Variants in HGS observed in about 807,000 individuals in gnomAD.
HGS encodes hepatocyte growth factor-regulated tyrosine kinase substrate, also known as human growth factor-regulated tyrosine kinase substrate.
HGS carries 63 observed loss-of-function variants against 109.7 expected under a neutral mutation model. The ratio of observed to expected loss-of-function variants is 0.57; its 90% CI spans 0.47 to 0.71. HGS has a LOEUF of 0.71. Ranked by LOEUF, HGS falls within the 30% of genes least tolerant of loss-of-function variation. HGS has a pLI of 0.00. For missense variants in HGS, 995 were observed against 1,068.3 expected (o/e 0.93, Z 0.96); for synonymous variants, 546 against 437.3 (o/e 1.25, Z -3.10).
At chr17:81,684,369 G>A (rs1316031936) in intron 1 of HGS, 3 of 344,724 alleles carry the variant, frequency 8.7e-6, no homozygotes, top group East Asian at 4.4e-5. Flanking sequence ...GCTCCTCCGC[G>A]GGCCCGGGCA....
At chr17:81,701,227 C>T (rs2037232656) in intron 21 of HGS, 96 bp downstream of exon 21, 3 of 1,125,768 alleles carry the variant, frequency 2.7e-6, no homozygotes, top group Middle Eastern at 2.0e-4. Flanking sequence ...GGGATTGTCC[C>T]GTACGTCTGC....
At chr17:81,684,276 C>T (rs1434898731) in intron 1 of HGS, 173 bp downstream of exon 1, 2 of 508,702 alleles carry the variant, frequency 3.9e-6, no homozygotes, top group East Asian at 7.6e-5. Flanking sequence ...CTCGGCGCGG[C>T]CGTGGGGTCG....
chr17:81,693,790 C>T (rs763097922), intron 10 of HGS, 38 bp downstream of exon 10: 14 of 1,544,946 alleles, frequency 9.1e-6, no homozygotes, highest in Non-Finnish European at 1.1e-5. Flanking sequence ...AGGAGGGGCC[C>T]AGCTCCCCTG....
chr17:81,697,472 G>C (rs1362548059), intron 18 of HGS: 1 of 154,344 alleles, frequency 6.5e-6, no homozygotes, highest in Non-Finnish European at 1.4e-5. Flanking sequence ...AGGTTTGTCT[G>C]GTGTCTCCAC....
chr17:81,701,132 G>A lies in HGS; in HGVS notation c.2223+1G>A. The A allele has an allele frequency of 1.2e-6, 2 of 1,613,454 alleles. No individual in the cohort carries two copies. The highest frequency in any genetic ancestry group is 2.2e-5 in the South Asian group (2 of 91,074). ...GGGGCAGCAGCCCATGTACCAGCAG[G>A]TGAGCCATTCCCGGGGCCTCACAGC... On this transcript the variant is annotated splice_donor_variant, in intron 21 of 21. Transcript: ENST00000329138. LOFTEE classifies it high-confidence loss of function.
intron 20 of HGS, 78 bp from the exon 21 acceptor site, chr17:81,700,967 G>C: frequency 7.8e-6 from 12 of 1,548,014 alleles, no homozygotes; most frequent in Non-Finnish European, 1.1e-5. Context: ...GTCACCTTTG[G>C]ATTGTTGCAA....
chr17:81,686,644 G>A (rs1013026460), intron 3 of HGS, among the ~76,000 whole-genome samples: 6 of 152,262 alleles, frequency 3.9e-5, no homozygotes, highest in Admixed American at 2.6e-4. Context: ...ACCAGAAGGC[G>A]GATGTCATTG....
At chr17:81,695,298 G>A in intron 14 of HGS, 75 bp downstream of exon 14, 1 of 1,497,066 alleles carries the variant, frequency 6.7e-7, no homozygotes, top group South Asian at 1.1e-5. Context: ...CATGGCACAG[G>A]TGCCTGCCCT....
chr17:81,698,732 C>A (rs1003384496), intron 18 of HGS, among the ~76,000 whole-genome samples: 1 of 152,084 alleles, frequency 6.6e-6, no homozygotes, highest in Non-Finnish European at 1.5e-5. Context: ...GTTGTGGGTG[C>A]GTCTGTGTAT....
At chr17:81,693,003 T>G in intron 8 of HGS, 1 of 151,614 alleles carries the variant, frequency 6.6e-6, no homozygotes, top group South Asian at 2.1e-4. Flanking sequence ...AGAGCAAGAC[T>G]CTATCTCAAA....
intron 11 of HGS, among the ~76,000 whole-genome samples, chr17:81,694,500 C>T (rs2037114179): frequency 1.3e-5 from 2 of 152,216 alleles, no homozygotes; most frequent in Non-Finnish European, 2.9e-5. Context: ...TCGGCTGGGG[C>T]CCCACACGCT....
Position 81,701,609 on chromosome 17 carries a change from A to C in HGS, c.2325A>C (p.Ser775=), listed in dbSNP as rs773551631. The C allele has an allele frequency of 1.9e-6, 3 of 1,565,326 alleles. No homozygotes were observed. Among genetic ancestry groups the C allele is most frequent in the Middle Eastern group, 1.7e-4 (1 of 6,020 alleles). The change falls in exon 22 of 22, where the codon TCA becomes TCC. Residue 775 remains serine, a synonymous_variant. Transcript: ENST00000329138. ...PAQGSEAQLI[S]FD is the part of the protein sequence containing the mutation. ...AGGGCAGCGAGGCCCAGCTCATTTC[A>C]TTCGACTGACCCAGGCCATGCTCAC...
chr17:81,688,102 G>T (rs1162726254), intron 4 of HGS, among the ~76,000 whole-genome samples: 1 of 152,196 alleles, frequency 6.6e-6, no homozygotes, highest in Admixed American at 6.5e-5. Context: ...AGGTGCAAGT[G>T]CCCCGGAGCC....
Position 81,695,059 on chromosome 17 carries a change from G to A in HGS, c.1111G>A (p.Val371Met), listed in dbSNP as rs571784296. 3.1e-6 allele frequency: 5 copies of A among 1,613,092 alleles called. No individual in the cohort carries two copies. In the South Asian group the frequency reaches 4.4e-5, roughly 14 times the overall value. ...PGEGHAAPTNVVENPLPETDS... is the reference protein window; with the variant it reads ...PGEGHAAPTNMVENPLPETDS... ...GGAAGGGCACGCAGCCCCCACCAAC[G>A]TGGTGGAGGTGAGGGGGCCACTCCC... is the stretch of plus-strand genomic sequence containing the variant. The change falls in exon 13 of 22, where the codon GTG (valine) becomes ATG (methionine). Residue 371 changes from valine to methionine, a missense_variant. Val to Met is a conservative substitution (Grantham distance 21, BLOSUM62 1). Transcript: ENST00000329138.
chr17:81,693,847 C>A (rs375503289), intron 10 of HGS, 23 bp from the exon 11 acceptor site: 11 of 1,586,682 alleles, frequency 6.9e-6, no homozygotes, highest in Non-Finnish European at 9.4e-6. Flanking sequence ...ACCCAAGTGA[C>A]GCCCCTTCTG....
chr17:81,684,994 C>A (rs1483467688), intron 1 of HGS: 9 of 985,184 alleles, frequency 9.1e-6, no homozygotes, highest in Non-Finnish European at 1.1e-5. Flanking sequence ...CCGGGAAAGG[C>A]GATGTGGGCA....
intron 18 of HGS, among the ~76,000 whole-genome samples, chr17:81,699,121 T>C (rs967785871): frequency 2.0e-5 from 3 of 151,914 alleles, no homozygotes; most frequent in Non-Finnish European, 2.9e-5. Flanking sequence ...TTTAATCCAA[T>C]AGCACAGTTT....
rs2037021558 is a variant in HGS at position 81,688,776 on chromosome 17, G to A, written c.364G>A (p.Glu122Lys). 5 of 1,614,012 alleles carry A rather than the reference G, an allele frequency of 3.1e-6. No individual in the cohort carries two copies. The highest frequency in any genetic ancestry group is 1.3e-5 in the African/African-American group (1 of 74,942). The change falls in exon 5 of 22, where the codon GAG becomes AAG. Residue 122 changes from glutamate (E) to lysine (K), a missense_variant. Glu to Lys is a moderately conservative substitution (Grantham distance 56). This residue lies in a region of HGS where 182 missense variants were observed against 261.3 expected (regional missense o/e 0.70). Coordinates refer to ENST00000329138, the MANE Select transcript of HGS (RefSeq NM_004712.5). ...GGCCTGGGCGCATGCCTTCCGGAAC[G>A]AGCCCAAGTACAAGGTGGTCCAGGA... ...IQAWAHAFRN[E>K]PKYKVVQDTY...
intron 3 of HGS, 135 bp downstream of exon 3, chr17:81,686,522 C>T (rs2036982187): frequency 1.5e-6 from 1 of 658,352 alleles, no homozygotes; most frequent in Admixed American, 2.6e-5. Context: ...TCCACTCAGC[C>T]TTGAGTGCCT....
Sources: allele counts gnomAD v4.1 joint callset (sites outside exome capture counted in the v4.1 genomes callset), GRCh38; gene constraint gnomAD v4.1.1; regional missense constraint gnomAD v4.1.1; transcripts MANE v1.5; gene names NCBI Gene and HGNC (gene_info 2026-07-23, HGNC 2026-07-21).